Variants in LCORL observed in about 807,000 individuals in gnomAD.
LCORL encodes the protein ligand dependent nuclear receptor corepressor like, also known as ligand-dependent nuclear receptor corepressor-like protein.
Under a neutral mutation model 141.8 loss-of-function variants are expected in LCORL, and 41 were observed. The observed-to-expected ratio is 0.29, with a 90% CI of 0.23 to 0.38. LCORL has a LOEUF of 0.38. Ranked by LOEUF, LCORL falls within the 10% of genes least tolerant of loss-of-function variation. The pLI is 1.00. For synonymous variants in LCORL, 618 were observed against 694.1 expected (o/e 0.89, Z 1.72); for missense variants, 1,759 against 2,035.0 (o/e 0.86, Z 2.61).
rs1020225621 is a variant in LCORL, at chr4:18,021,744, T to G, written c.8A>C (p.Lys3Thr). The G allele has an allele frequency of 6.6e-7, 1 of 1,512,104 alleles. No individual in the cohort carries two copies. Among genetic ancestry groups the G allele is most frequent in the Non-Finnish European group, 8.8e-7 (1 of 1,132,598 alleles). 93.7% of individuals were successfully genotyped at this position (1,512,104 alleles called of 1,614,324 possible). ...GGCAGCGGCCATTCTCTCTCTTCCC[T>G]TGTCCATCTGCGTCCCGCGTCACGC... Residue 3 changes from lysine (K) to threonine (T), a missense_variant, in exon 1 of 8, where the codon AAG becomes ACG. Physicochemically the swap from Lys to Thr is moderately conservative, Grantham distance 78. Transcript: ENST00000635767. This position sits in a 1 kb window ranked among gnomAD's most constrained non-coding sequence, Gnocchi z 5.5.
At chr4:17,932,126 T>C (rs1463148832) in intron 4 of LCORL, among the ~76,000 whole-genome samples, 1 of 152,188 alleles carries the variant, frequency 6.6e-6, no homozygotes, top group African/African-American at 2.4e-5. Context: ...CCATACTTTT[T>C]CTCACTCCTT....
intron 1 of LCORL, among the ~76,000 whole-genome samples, chr4:18,015,137 C>T (rs1398892492): frequency 6.6e-6 from 1 of 152,186 alleles, no homozygotes; most frequent in Non-Finnish European, 1.5e-5. Context: ...CCTCCCAAGA[C>T]TGCACTATGA....
chr4:18,020,784 A>AT (rs1216254036), intron 1 of LCORL: 1 of 152,152 alleles, frequency 6.6e-6, no homozygotes, highest in Admixed American at 6.5e-5. Context: ...GGAAGAGTCC[A>AT]TCACATGACA....
chr4:17,953,248 T>C (rs1461138287), intron 4 of LCORL, among the ~76,000 whole-genome samples: 4 of 152,220 alleles, frequency 2.6e-5, no homozygotes, highest in Non-Finnish European at 5.9e-5. Flanking sequence ...TTATATTTCT[T>C]TGGGCATACA....
chr4:17,977,439 T>C (rs1483271281), intron 1 of LCORL, among the ~76,000 whole-genome samples: 5 of 152,106 alleles, frequency 3.3e-5, no homozygotes, highest in Non-Finnish European at 5.9e-5. Flanking sequence ...TTTTGCTTTC[T>C]TCTAAAAAAA....
intron 7 of LCORL, among the ~76,000 whole-genome samples, chr4:17,854,877 T>TTA (rs769889265): frequency 6.6e-6 from 1 of 152,088 alleles, no homozygotes; most frequent in Non-Finnish European, 1.5e-5. Context: ...CAGTCTTGGG[T>TTA]TATAATCTTA....
At chr4:18,019,111 T>C (rs1276967006) in intron 1 of LCORL, among the ~76,000 whole-genome samples, 1 of 152,196 alleles carries the variant, frequency 6.6e-6, no homozygotes, top group East Asian at 1.9e-4. Context: ...GATGTTATTG[T>C]TTATTTTAAA....
At chr4:17,966,862 T>C (rs1297692478) in intron 2 of LCORL, among the ~76,000 whole-genome samples, 6 of 152,188 alleles carry the variant, frequency 3.9e-5, no homozygotes, top group Non-Finnish European at 8.8e-5. Flanking sequence ...ACAGCTACCA[T>C]TGAAGATACC....
At chr4:17,988,609 C>A (rs1719430950) in intron 1 of LCORL, among the ~76,000 whole-genome samples, 1 of 146,508 alleles carries the variant, frequency 6.8e-6, no homozygotes, top group Non-Finnish European at 1.5e-5. Context: ...TTTATCATTT[C>A]TTTAATAAAG....
In LCORL at chr4:17,874,669, T is replaced by A. The variant is rs1325398995; in HGVS notation, c.4321A>T (p.Asn1441Tyr). 7.3e-6 allele frequency: 9 copies of A among 1,233,726 alleles called. No individual in the cohort carries two copies. The African/African-American group carries it at 1.2e-4, about 17-fold the overall frequency. The allele number at this position is 1,233,726 out of a possible 1,614,324, so 76.4% of individuals were successfully genotyped here. The change falls in exon 7 of 8, where the codon AAT becomes TAT. Residue 1441 changes from asparagine to tyrosine, a missense_variant. This residue lies in a region of LCORL where 1,311 missense variants were observed against 1,531.3 expected (regional missense o/e 0.86). Transcript: ENST00000635767. ...GCATTTGTTATTTGCTCAAATCTAT[T>A]GTTTAATTCCTCTAATAAGGAATCA...
At chr4:17,927,602 G>A (rs1214877694) in intron 4 of LCORL, among the ~76,000 whole-genome samples, 4 of 152,082 alleles carry the variant, frequency 2.6e-5, no homozygotes, top group Non-Finnish European at 5.9e-5. Context: ...ATACCCAGAG[G>A]CCATTGTAGG....
At chr4:18,014,118 T>G (rs763577939) in intron 1 of LCORL, among the ~76,000 whole-genome samples, 1 of 152,142 alleles carries the variant, frequency 6.6e-6, no homozygotes, top group African/African-American at 2.4e-5. Context: ...TGCAATTTAA[T>G]TTTAAAGGCG....
At chr4:17,910,762 C>A (rs1732396148) in intron 4 of LCORL, among the ~76,000 whole-genome samples, 2 of 152,172 alleles carry the variant, frequency 1.3e-5, no homozygotes, top group Admixed American at 1.3e-4. Context: ...GCTGGTCCTG[C>A]ATAACTGTCA....
intron 6 of LCORL, among the ~76,000 whole-genome samples, chr4:17,885,188 G>A (rs1728105414): frequency 2.6e-5 from 4 of 151,880 alleles, no homozygotes; most frequent in African/African-American, 7.2e-5. Context: ...CCCCTTTAAA[G>A]GAAATTTGTA....
intron 1 of LCORL, among the ~76,000 whole-genome samples, chr4:17,985,606 T>C (rs1316931140): frequency 6.6e-6 from 1 of 152,172 alleles, no homozygotes; most frequent in Non-Finnish European, 1.5e-5. Context: ...TTTTCTCATT[T>C]CCGTTTGGTA....
chr4:17,844,974 C>CT (rs1195330626), exon 8 of LCORL: 1 of 152,042 alleles, frequency 6.6e-6, no homozygotes, highest in Non-Finnish European at 1.5e-5. Flanking sequence ...AAAGTCATCC[C>CT]TTTAACTTTA....
intron 7 of LCORL, among the ~76,000 whole-genome samples, chr4:17,860,186 T>C (rs1724838273): frequency 6.6e-6 from 1 of 152,200 alleles, no homozygotes; most frequent in Non-Finnish European, 1.5e-5. Flanking sequence ...GCTGGAGGCA[T>C]CACATTACCT....
chr4:17,843,471 T>G (rs751639740), exon 8 of LCORL: 4 of 1,593,544 alleles, frequency 2.5e-6, no homozygotes, highest in Non-Finnish European at 2.6e-6. Flanking sequence ...TCCAGTTATT[T>G]GCTTTAATAA....
chr4:17,919,836 T>G (rs1342156539), intron 4 of LCORL, among the ~76,000 whole-genome samples: 1 of 152,210 alleles, frequency 6.6e-6, no homozygotes, highest in African/African-American at 2.4e-5. Context: ...CTGTGGGTCT[T>G]AAGACCATCC....
Sources: gnomAD v4.1 joint callset for allele counts (sites outside exome capture counted in the v4.1 genomes callset) on GRCh38, gnomAD v4.1.1 for gene constraint, gnomAD v4.1.1 regional missense constraint, Gnocchi (gnomAD v3.1) non-coding constraint, MANE v1.5 for transcripts, NCBI Gene and HGNC (gene_info 2026-07-23, HGNC 2026-07-21) for gene names.